Variants in SH2B2 observed in about 807,000 individuals in gnomAD.
SH2B2 encodes SH2B adaptor protein 2.
Under a neutral mutation model 35.7 loss-of-function variants are expected in SH2B2, and 37 were observed. The observed-to-expected ratio is 1.04, with a 90% CI of 0.80 to 1.36. The LOEUF (loss-of-function observed/expected upper bound fraction) is 1.36. Ranked by LOEUF, SH2B2 falls within the 40% of genes most tolerant of loss-of-function variation. The pLI, the probability that SH2B2 is intolerant of heterozygous loss-of-function variation, is 0.00. For missense variants in SH2B2, 852 were observed against 817.7 expected (o/e 1.04, Z -0.51); for synonymous variants, 383 against 376.4 (o/e 1.02, Z -0.20).
chr7:102,296,931 A>G (rs1792940512), intron 1 of SH2B2, among the ~76,000 whole-genome samples: 1 of 151,916 alleles, frequency 6.6e-6, no homozygotes, highest in African/African-American at 2.4e-5. Context: ...GTAAACTGTG[A>G]TCTCGCCACT....
chr7:102,316,283 T>A (rs1554556983), intron 6 of SH2B2, among the ~76,000 whole-genome samples: 1 of 151,446 alleles, frequency 6.6e-6, no homozygotes, highest in African/African-American at 2.4e-5. Flanking sequence ...TCTCAAAAAA[T>A]AAATAAATAA....
chr7:102,312,046 C>T (rs1336230590), intron 4 of SH2B2, among the ~76,000 whole-genome samples: 4 of 149,180 alleles, frequency 2.7e-5, no homozygotes, highest in Admixed American at 6.7e-5. Context: ...CCACTGAACT[C>T]CACTGGGTGA....
In SH2B2 at chr7:102,297,393, C is replaced by G. The variant is rs1295527836; in HGVS notation, c.-29-3129C>G. ...TCATCAATAGAGTGAGATCCCATCT[C>G]TACACACACACACACACACACACAC... On this transcript the variant is annotated intron_variant, in intron 1 of 8. Transcript: ENST00000444095. This position sits in a 1 kb window ranked among gnomAD's most constrained non-coding sequence, Gnocchi z 4.3. Among the ~76,000 whole-genome samples, 2 of 124,684 alleles carry G rather than the reference C, an allele frequency of 1.6e-5. No homozygotes were observed. Among genetic ancestry groups the G allele is most frequent in the African/African-American group, 7.0e-5 (2 of 28,664 alleles). The allele number at this position is 124,684 out of a possible 152,430, so 81.8% of individuals were successfully genotyped here. A position where few individuals can be genotyped will look rare whatever the true frequency, so the allele number is the denominator to read the frequency against.
At chr7:102,303,393 G>A (rs1311409880) in intron 2 of SH2B2, among the ~76,000 whole-genome samples, 5 of 152,016 alleles carry the variant, frequency 3.3e-5, no homozygotes, top group Admixed American at 6.5e-5. Context: ...CCCACCTCCC[G>A]CATCAGGGCC....
At chr7:102,320,899 G>A (rs782129155) in intron 8 of SH2B2, among the ~76,000 whole-genome samples, 4 of 152,174 alleles carry the variant, frequency 2.6e-5, no homozygotes, top group Non-Finnish European at 4.4e-5. Flanking sequence ...ATGGGTGCAT[G>A]TGCATGCGTG....
chr7:102,320,145 A>T (rs566117789), intron 7 of SH2B2, among the ~76,000 whole-genome samples, 186 bp from the exon 8 acceptor site: 1 of 152,058 alleles, frequency 6.6e-6, no homozygotes, highest in Non-Finnish European at 1.5e-5. Context: ...GATGCCTTCC[A>T]TCTCAGCCTG....
At chr7:102,308,352 C>T (rs1793480115) in intron 3 of SH2B2, among the ~76,000 whole-genome samples, 1 of 152,228 alleles carries the variant, frequency 6.6e-6, no homozygotes, top group South Asian at 2.1e-4. Flanking sequence ...TCAGAGGCTT[C>T]GTATCTCAAG....
chr7:102,316,971 G>A (rs1214008437), intron 6 of SH2B2: 13 of 453,280 alleles, frequency 2.9e-5, no homozygotes, highest in African/African-American at 4.0e-5. Flanking sequence ...GTCAGCCACC[G>A]GGATTGCAGC....
Position 102,321,612 on chromosome 7 carries a change from C to T in SH2B2, c.1881C>T (p.Asn627=). The change falls in exon 9 of 9, where the codon AAC becomes AAT. Residue 627 remains asparagine (N), a synonymous_variant. Coordinates refer to ENST00000444095, the MANE Select transcript of SH2B2 (RefSeq NM_001359228.2). ...CCGGCCGCGCGCGCGCCGTGGAGAA[C>T]CAGTACTCCTTCTACTAGCCCGCGG... ...AAPGRARAVE[N]QYSFY is the part of the protein sequence containing the mutation. The T allele has an allele frequency of 8.6e-7, 1 of 1,158,792 alleles. No homozygotes were observed. The highest frequency in any genetic ancestry group is 4.2e-5 in the East Asian group (1 of 23,994). 71.8% of individuals were successfully genotyped at this position (1,158,792 alleles called of 1,614,324 possible).
At chr7:102,320,931 G>A (rs185544717) in intron 8 of SH2B2, among the ~76,000 whole-genome samples, 1 of 152,186 alleles carries the variant, frequency 6.6e-6, no homozygotes, top group Non-Finnish European at 1.5e-5. Context: ...GTGCATGAGT[G>A]TATGTGTGCA....
intron 4 of SH2B2, chr7:102,309,169 C>G (rs1367492668): frequency 8.4e-6 from 5 of 591,812 alleles, no homozygotes; most frequent in African/African-American, 7.3e-5. Flanking sequence ...GTCTTCACCC[C>G]AAGAGAGCCT....
chr7:102,286,077 A>G (rs1554550810), upstream of SH2B2, among the ~76,000 whole-genome samples: 1 of 152,256 alleles, frequency 6.6e-6, no homozygotes, highest in East Asian at 1.9e-4. Flanking sequence ...GCCCTAAAGC[A>G]GGCGAGTTCT....
chr7:102,317,285 CA>C lies in SH2B2; in HGVS notation c.1287del (p.Gln429HisfsTer15). 6.2e-7 allele frequency: 1 copy of C among 1,613,766 alleles called. No individual in the cohort carries two copies. The highest frequency in any genetic ancestry group is 8.5e-7 in the Non-Finnish European group (1 of 1,179,714). On this transcript the variant is annotated frameshift_variant, in exon 7 of 9. Coordinates refer to ENST00000444095, the MANE Select transcript of SH2B2 (RefSeq NM_001359228.2). LOFTEE classifies it high-confidence loss of function. ...GACACTGTCCCGGGTCAAGGCTGCTCAACTGGTTCTGGCAGGGGGGCCCCGG... is the reference window on the plus strand; with the variant it reads ...GACACTGTCCCGGGTCAAGGCTGCTCACTGGTTCTGGCAGGGGGGCCCCGG... Reference protein sequence around the residue: ...HGTLSRVKAAQLVLAGGPRNH... With the variant: ...HGTLSRVKAAXLVLAGGPRNH...
At chr7:102,286,838 G>C (rs1490323112), upstream of SH2B2, 2 of 46,524 alleles carry the variant, frequency 4.3e-5, no homozygotes, top group East Asian at 7.0e-4. Context: ...GGGCGGGGCC[G>C]GGAGGCGCGC....
At position 102,299,007 on chromosome 7, in the gene SH2B2, G is replaced by A. The variant is rs188618838; in HGVS notation, c.-29-1515G>A. Among the ~76,000 whole-genome samples the A allele has an allele frequency of 8.9e-3, 1,174 of 131,872 alleles. 8 individuals are homozygous for A. The highest frequency in any genetic ancestry group is 0.013 in the Non-Finnish European group (823 of 64,578). 86.5% of individuals were successfully genotyped at this position (131,872 alleles called of 152,430 possible). On this transcript the variant is annotated intron_variant, in intron 1 of 8. Transcript: ENST00000444095. ...GCGATGTCGGCTCACTGCAAGCTCC[G>A]CCTCCGAGGTTCACGCCATTCTCCT...
At chr7:102,301,306 C>A in intron 2 of SH2B2, 27 bp downstream of exon 2, 1 of 1,581,946 alleles carries the variant, frequency 6.3e-7, no homozygotes, top group Non-Finnish European at 8.6e-7. Flanking sequence ...TCCCACCTAG[C>A]CTGGGGGGAC....
chr7:102,306,619 G>A, intron 2 of SH2B2, 102 bp from the exon 3 acceptor site: 1 of 785,312 alleles, frequency 1.3e-6, no homozygotes, highest in South Asian at 1.5e-5. Context: ...GGTGGCTGTG[G>A]CAGTCTATTT....
intron 1 of SH2B2, among the ~76,000 whole-genome samples, chr7:102,296,578 G>C (rs1393287907): frequency 6.6e-6 from 1 of 151,638 alleles, no homozygotes; most frequent in Non-Finnish European, 1.5e-5. Flanking sequence ...AAGGCCCCCA[G>C]GTGATGGGCT....
chr7:102,308,999 C>G, intron 4 of SH2B2, 93 bp downstream of exon 4: 1 of 996,954 alleles, frequency 1.0e-6, no homozygotes, highest in Non-Finnish European at 1.6e-6. Flanking sequence ...AGGGCGGGAG[C>G]TCAGCTTGAG....
Sources: allele counts gnomAD v4.1 joint callset (sites outside exome capture counted in the v4.1 genomes callset), GRCh38; gene constraint gnomAD v4.1.1; non-coding constraint Gnocchi (gnomAD v3.1); transcripts MANE v1.5; gene names NCBI Gene and HGNC (gene_info 2026-07-23, HGNC 2026-07-21).